The following CLSTN2 variants were observed in gnomAD, a reference collection of about 807,000 sequenced individuals.
CLSTN2 encodes the protein calsyntenin 2, also known as calsyntenin-2.
A neutral mutation model predicts 101.2 loss-of-function variants in CLSTN2; 48 were observed. The observed-to-expected ratio is 0.47, with a 90% CI of 0.38 to 0.60. CLSTN2 has a LOEUF of 0.60. Ranked by LOEUF, CLSTN2 falls within the 20% of genes least tolerant of loss-of-function variation. The pLI is 0.00. For missense variants in CLSTN2, 1,160 were observed against 1,238.2 expected (o/e 0.94, Z 0.95); for synonymous variants, 481 against 463.6 (o/e 1.04, Z -0.48).
chr3:140,227,216 A>G (rs2086329849), intron 2 of CLSTN2, among the ~76,000 whole-genome samples: 1 of 152,354 alleles, frequency 6.6e-6, no homozygotes, highest in South Asian at 2.1e-4. Context: ...TCCTAGATAC[A>G]ATGGGAGTAC....
At position 140,069,799 on chromosome 3, in the gene CLSTN2, G is replaced by C. The variant is rs2008360529; in HGVS notation, c.110-106152G>C. Among the ~76,000 whole-genome samples, 2 of 152,198 alleles carry C rather than the reference G, an allele frequency of 1.3e-5. 1 individual carries two copies. The highest frequency in any genetic ancestry group is 4.1e-4 in the South Asian group (2 of 4,834). On this transcript the variant is annotated intron_variant, in intron 1 of 16. Transcript: ENST00000458420. ...AGGCTAGGACTACAGGGTTGATAGA[G>C]GGTCAGCAGGGGGCACTGGCAGGAG...
At chr3:139,997,041 C>T (rs549340065) in intron 1 of CLSTN2, among the ~76,000 whole-genome samples, 1,786 of 114,058 alleles carry the variant, frequency 0.016, 24 homozygotes, top group South Asian at 0.065. Context: ...GAGCAAGACT[C>T]TGTCTCAAAA....
At chr3:140,029,136 C>T (rs150622489) in intron 1 of CLSTN2, among the ~76,000 whole-genome samples, 1 of 152,154 alleles carries the variant, frequency 6.6e-6, no homozygotes, top group East Asian at 1.9e-4. Flanking sequence ...AGTCTACTTC[C>T]TTTTTTTTCT....
chr3:140,446,755 T>C (rs1242887166), intron 5 of CLSTN2, among the ~76,000 whole-genome samples: 2 of 152,100 alleles, frequency 1.3e-5, no homozygotes, highest in Non-Finnish European at 2.9e-5. Flanking sequence ...CCCTGAGGCT[T>C]CCCCCAATGC....
At chr3:140,289,151 G>A (rs1296372496) in intron 2 of CLSTN2, among the ~76,000 whole-genome samples, 1 of 152,114 alleles carries the variant, frequency 6.6e-6, no homozygotes, top group Non-Finnish European at 1.5e-5. Flanking sequence ...GGCTTTACCT[G>A]TATCTAATCC....
At chr3:140,111,443 C>T (rs1242907384) in intron 1 of CLSTN2, among the ~76,000 whole-genome samples, 4 of 152,086 alleles carry the variant, frequency 2.6e-5, no homozygotes, top group African/African-American at 2.4e-5. Flanking sequence ...GGAGAGACCT[C>T]GCAAACGGGC....
chr3:140,051,972 G>A (rs897949721), intron 1 of CLSTN2, among the ~76,000 whole-genome samples: 1 of 152,176 alleles, frequency 6.6e-6, no homozygotes, highest in Admixed American at 6.5e-5. Flanking sequence ...TGAGCTGCTG[G>A]TCTGGGAACC....
At chr3:140,427,214 T>TATATATATAC (rs2088579606) in intron 5 of CLSTN2, among the ~76,000 whole-genome samples, 1 of 75,606 alleles carries the variant, frequency 1.3e-5, no homozygotes, top group Non-Finnish European at 2.2e-5. Context: ...TGTGTATATA[T>TATATATATAC]ATATATATAT....
chr3:140,395,044 C>A (rs2088165182), intron 2 of CLSTN2, among the ~76,000 whole-genome samples: 1 of 152,108 alleles, frequency 6.6e-6, no homozygotes, highest in African/African-American at 2.4e-5. Flanking sequence ...CATGTATTCA[C>A]CCAACAAATA....
chr3:140,155,775 G>A (rs942331387), intron 1 of CLSTN2, among the ~76,000 whole-genome samples: 8 of 152,114 alleles, frequency 5.3e-5, no homozygotes, highest in East Asian at 3.9e-4. Flanking sequence ...AGCTTCCCTC[G>A]TCAAAGACTT....
intron 2 of CLSTN2, among the ~76,000 whole-genome samples, chr3:140,369,651 G>A (rs1197539157): frequency 2.0e-5 from 3 of 152,224 alleles, no homozygotes; most frequent in Non-Finnish European, 4.4e-5. Flanking sequence ...CTAAATATTA[G>A]CCGAGCCACT....
intron 5 of CLSTN2, among the ~76,000 whole-genome samples, chr3:140,437,216 T>C (rs1446642898): frequency 1.3e-5 from 2 of 151,942 alleles, no homozygotes; most frequent in African/African-American, 4.8e-5. Context: ...GCCCAGCTAA[T>C]GTTTTGTATT....
chr3:140,210,412 T>C (rs2010840775), intron 2 of CLSTN2, among the ~76,000 whole-genome samples: 1 of 152,214 alleles, frequency 6.6e-6, no homozygotes, highest in South Asian at 2.1e-4. Context: ...AAGAAACATC[T>C]GGAAGCAGTA....
intron 2 of CLSTN2, among the ~76,000 whole-genome samples, chr3:140,328,304 T>TTAAGGAAGA (rs1364485579): frequency 6.6e-6 from 1 of 152,138 alleles, no homozygotes; most frequent in East Asian, 1.9e-4. Flanking sequence ...AGAGACCAAC[T>TTAAGGAAGA]CCTTAAGCTG....
intron 7 of CLSTN2, among the ~76,000 whole-genome samples, chr3:140,460,544 T>C (rs1198038865): frequency 6.6e-6 from 1 of 152,228 alleles, no homozygotes; most frequent in Non-Finnish European, 1.5e-5. Flanking sequence ...ATAATTATTT[T>C]ATAAAAGCCT....
chr3:140,019,088 C>T lies in CLSTN2; in HGVS notation c.109+83605C>T, dbSNP rs142906472. Among the ~76,000 whole-genome samples, 95 of 152,214 alleles carry T rather than the reference C, an allele frequency of 6.2e-4. 1 individual carries two copies. In the East Asian group the frequency reaches 0.017, roughly 27 times the overall value. ...TTCAAACCACTCAGAGGAGTCTGCA[C>T]TGGTCATGCAGGAGGGAGATAAACC... On this transcript the variant is annotated intron_variant, in intron 1 of 16. Coordinates refer to ENST00000458420, the MANE Select transcript of CLSTN2 (RefSeq NM_022131.3).
intron 2 of CLSTN2, among the ~76,000 whole-genome samples, chr3:140,268,699 C>T (rs1178547327): frequency 6.6e-6 from 1 of 152,216 alleles, no homozygotes; most frequent in East Asian, 1.9e-4. Context: ...TAGTGAAGCA[C>T]TGGAGTGTCC....
At chr3:140,489,085 G>A (rs898216708) in intron 8 of CLSTN2, among the ~76,000 whole-genome samples, 1 of 152,186 alleles carries the variant, frequency 6.6e-6, no homozygotes, top group East Asian at 1.9e-4. Flanking sequence ...TAGGGATACA[G>A]ATTTAAGTGA....
At chr3:140,477,221 C>T (rs1047865050) in intron 8 of CLSTN2, among the ~76,000 whole-genome samples, 1 of 152,196 alleles carries the variant, frequency 6.6e-6, no homozygotes, top group Admixed American at 6.5e-5. Context: ...GCACTTACTA[C>T]TCATTAGTTT....
Sources: gnomAD v4.1 joint callset for allele counts (sites outside exome capture counted in the v4.1 genomes callset) on GRCh38, gnomAD v4.1.1 for gene constraint, MANE v1.5 for transcripts, NCBI Gene and HGNC (gene_info 2026-07-23, HGNC 2026-07-21) for gene names.